The following ST6GALNAC3 variants were observed in gnomAD, a reference collection of about 807,000 sequenced individuals.
The protein encoded by ST6GALNAC3 is ST6 N-acetylgalactosaminide alpha-2,6-sialyltransferase 3.
A neutral mutation model predicts 32.7 loss-of-function variants in ST6GALNAC3; 25 were observed. The ratio of observed to expected loss-of-function variants is 0.76; its 90% CI spans 0.56 to 1.07. The LOEUF (loss-of-function observed/expected upper bound fraction) is 1.07. ST6GALNAC3 is among the 50% of genes least tolerant of loss of function. The pLI, the probability that ST6GALNAC3 is intolerant of heterozygous loss-of-function variation, is 0.00. For missense variants in ST6GALNAC3, 355 were observed against 382.4 expected (o/e 0.93, Z 0.60); for synonymous variants, 129 against 133.1 (o/e 0.97, Z 0.21).
Position 76,628,656 on chromosome 1 carries a change from T to A in ST6GALNAC3, c.768T>A (p.Tyr256Ter). The A allele has an allele frequency of 6.2e-7, 1 of 1,611,328 alleles. No homozygotes were observed. Among genetic ancestry groups the A allele is most frequent in the Non-Finnish European group, 8.5e-7 (1 of 1,178,822 alleles). ...ATAGAAAAGTCCCCTACCATTATTA[T>A]GAACAAGGAAGAGATGAGTGTGATG... Reference protein sequence around the residue: ...EGYRKVPYHYYEQGRDECDEY... With the variant: ...EGYRKVPYHY Residue 256 changes from tyrosine to a stop codon, truncating the protein, a stop_gained, in exon 5 of 5, where the codon TAT becomes TAA. Transcript: ENST00000328299. LOFTEE classifies it high-confidence loss of function.
At chr1:76,511,897 A>G (rs921261440) in intron 3 of ST6GALNAC3, among the ~76,000 whole-genome samples, 5 of 152,248 alleles carry the variant, frequency 3.3e-5, no homozygotes, top group African/African-American at 1.2e-4. Context: ...AGGAAAATAA[A>G]TTATTGGATA....
chr1:76,335,308 C>T (rs142496457), intron 2 of ST6GALNAC3, among the ~76,000 whole-genome samples: 58 of 152,112 alleles, frequency 3.8e-4, no homozygotes, highest in African/African-American at 1.3e-3. Context: ...TGTATTTATT[C>T]ATTCATTCAT....
At chr1:76,539,340 C>A (rs972826670) in intron 3 of ST6GALNAC3, among the ~76,000 whole-genome samples, 1 of 152,146 alleles carries the variant, frequency 6.6e-6, no homozygotes. Flanking sequence ...TGGACTCCTT[C>A]GTTACACTTT....
chr1:76,344,902 G>GC (rs1304624643), intron 2 of ST6GALNAC3, among the ~76,000 whole-genome samples: 1 of 152,008 alleles, frequency 6.6e-6, no homozygotes. Context: ...CCCTGTTGGC[G>GC]CCCCCCAACC....
intron 3 of ST6GALNAC3, among the ~76,000 whole-genome samples, chr1:76,570,658 C>G (rs542401616): frequency 6.6e-6 from 1 of 151,974 alleles, no homozygotes; most frequent in Non-Finnish European, 1.5e-5. Context: ...AAGGCTTATG[C>G]GTGCTTTTAT....
In ST6GALNAC3 at chr1:76,074,858, C is replaced by T; in HGVS notation, c.-9C>T. On this transcript the variant is annotated 5_prime_UTR_variant, in exon 1 of 5. Transcript: ENST00000328299. ...CGCTGCTCGGTGGCAGGAGGGCCGGCGGAGCGCCATGGCCTGCATCCTGAA... is the reference window on the plus strand; with the variant it reads ...CGCTGCTCGGTGGCAGGAGGGCCGGTGGAGCGCCATGGCCTGCATCCTGAA... 1 of 1,590,324 alleles carries T rather than the reference C, an allele frequency of 6.3e-7. No homozygotes were observed. Among genetic ancestry groups the T allele is most frequent in the Non-Finnish European group, 8.6e-7 (1 of 1,168,936 alleles).
intron 2 of ST6GALNAC3, among the ~76,000 whole-genome samples, chr1:76,320,397 T>C (rs1197143395): frequency 6.6e-6 from 1 of 152,130 alleles, no homozygotes; most frequent in Non-Finnish European, 1.5e-5. Context: ...TTCTTTTTGT[T>C]TGGCTGGTTA....
At chr1:76,256,015 A>AACACACACACACACACACACAC (rs10635688) in intron 1 of ST6GALNAC3, among the ~76,000 whole-genome samples, 11 of 148,454 alleles carry the variant, frequency 7.4e-5, no homozygotes, top group African/African-American at 1.5e-4. Flanking sequence ...TGTCAGTGGT[A>AACACACACACACACACACACAC]ACACACACAC....
chr1:76,134,672 A>G (rs909543348), intron 1 of ST6GALNAC3, among the ~76,000 whole-genome samples: 1 of 152,150 alleles, frequency 6.6e-6, no homozygotes, highest in African/African-American at 2.4e-5. Flanking sequence ...CCCTCCTGAC[A>G]AAAGGTGCAG....
chr1:76,473,058 A>G (rs1659136030), intron 3 of ST6GALNAC3, among the ~76,000 whole-genome samples: 1 of 152,094 alleles, frequency 6.6e-6, no homozygotes, highest in African/African-American at 2.4e-5. Flanking sequence ...GGCTGAGGCT[A>G]AAGTGGAGGT....
chr1:76,133,760 T>C (rs1649762655), intron 1 of ST6GALNAC3, among the ~76,000 whole-genome samples: 1 of 152,188 alleles, frequency 6.6e-6, no homozygotes, highest in Non-Finnish European at 1.5e-5. Flanking sequence ...GAGCATATAT[T>C]GTTGACTTCC....
At chr1:76,490,835 GTTTCTTTTT>G (rs1660450798) in intron 3 of ST6GALNAC3, among the ~76,000 whole-genome samples, 1 of 150,008 alleles carries the variant, frequency 6.7e-6, no homozygotes, top group Non-Finnish European at 1.5e-5. Flanking sequence ...GATGCATTTA[GTTTCTTTTT>G]TTTCTTTTTT....
intron 1 of ST6GALNAC3, among the ~76,000 whole-genome samples, chr1:76,242,402 A>C (rs989202099): frequency 6.6e-5 from 10 of 152,148 alleles, no homozygotes; most frequent in African/African-American, 2.2e-4. Context: ...GCTGGGAGCA[A>C]GTGTTAGGGT....
chr1:76,577,634 G>A (rs1431619958), intron 3 of ST6GALNAC3, among the ~76,000 whole-genome samples: 3 of 151,872 alleles, frequency 2.0e-5, no homozygotes, highest in African/African-American at 7.3e-5. Context: ...ATATTTAGGA[G>A]CAACACCCTC....
chr1:76,115,828 C>T (rs1369649178), intron 1 of ST6GALNAC3, among the ~76,000 whole-genome samples: 2 of 152,110 alleles, frequency 1.3e-5, no homozygotes, highest in Non-Finnish European at 2.9e-5. Flanking sequence ...TTAGACCACT[C>T]CTACCTTTTG....
chr1:76,502,708 G>C (rs1032283564), intron 3 of ST6GALNAC3, among the ~76,000 whole-genome samples: 3 of 152,148 alleles, frequency 2.0e-5, no homozygotes, highest in African/African-American at 7.2e-5. Context: ...TGGGGGGTAA[G>C]TATTTAGACG....
At chr1:76,101,677 C>T (rs763508141) in intron 1 of ST6GALNAC3, among the ~76,000 whole-genome samples, 2 of 152,106 alleles carry the variant, frequency 1.3e-5, no homozygotes, top group Non-Finnish European at 2.9e-5. Flanking sequence ...CAAATTTTGT[C>T]GTAATGTATT....
intron 2 of ST6GALNAC3, among the ~76,000 whole-genome samples, chr1:76,340,180 T>C (rs1647842139): frequency 6.6e-6 from 1 of 152,208 alleles, no homozygotes. Flanking sequence ...GGAGTGCATT[T>C]TGGGGGCTGC....
At chr1:76,089,230 T>A (rs1164164693) in intron 1 of ST6GALNAC3, among the ~76,000 whole-genome samples, 3 of 152,018 alleles carry the variant, frequency 2.0e-5, no homozygotes, top group Admixed American at 6.6e-5. Context: ...TTATTTATTT[T>A]TTAGAAGAGA....
Sources: allele counts gnomAD v4.1 joint callset (sites outside exome capture counted in the v4.1 genomes callset), GRCh38; gene constraint gnomAD v4.1.1; transcripts MANE v1.5; gene names NCBI Gene and HGNC (gene_info 2026-07-23, HGNC 2026-07-21).